Variants in ADGRA3 observed in about 807,000 individuals in gnomAD.
ADGRA3 encodes the protein G-protein coupled receptor 125.
A neutral mutation model predicts 119.8 loss-of-function variants in ADGRA3; 56 were observed. That is an observed-to-expected ratio of 0.47 (90% CI 0.38 to 0.58). ADGRA3 has a LOEUF of 0.58. Among genes scored for constraint, ADGRA3 ranks in the 20% least tolerant of loss-of-function variants. The pLI, the probability that ADGRA3 is intolerant of heterozygous loss-of-function variation, is 0.00. For synonymous variants in ADGRA3, 607 were observed against 623.8 expected (o/e 0.97, Z 0.40); for missense variants, 1,516 against 1,649.0 (o/e 0.92, Z 1.40).
At chr4:22,420,615 T>C in intron 12 of ADGRA3, 2 of 527,428 alleles carry the variant, frequency 3.8e-6, no homozygotes, top group Non-Finnish European at 3.3e-6. Flanking sequence ...GTAACAATAG[T>C]ATATTTGCAT....
intron 12 of ADGRA3, among the ~76,000 whole-genome samples, chr4:22,417,300 A>C (rs77570708): frequency 0.061 from 9,337 of 152,258 alleles, 306 homozygotes; most frequent in Middle Eastern, 0.078. Context: ...GGAACTATGC[A>C]GAGCCTGGAG....
At chr4:22,435,590 A>C in intron 9 of ADGRA3, 124 bp from the exon 10 acceptor site, 1 of 833,422 alleles carries the variant, frequency 1.2e-6, no homozygotes, top group Non-Finnish European at 1.8e-6. Flanking sequence ...TTTACTCATC[A>C]TGGCCTTCTT....
At chr4:22,413,860 T>C (rs747965418) in intron 12 of ADGRA3, 46 bp from the exon 13 acceptor site, 16 of 1,285,698 alleles carry the variant, frequency 1.2e-5, no homozygotes, top group Middle Eastern at 2.5e-4. Context: ...CATTAGTACA[T>C]AGAAACCAGA....
intron 1 of ADGRA3, among the ~76,000 whole-genome samples, chr4:22,505,693 G>A (rs1719213166): frequency 6.6e-6 from 1 of 151,340 alleles, no homozygotes; most frequent in African/African-American, 2.4e-5. Context: ...TTATCCCCCT[G>A]CTGTTTTAGC....
intron 10 of ADGRA3, among the ~76,000 whole-genome samples, chr4:22,433,012 C>T (rs1716248856): frequency 6.6e-6 from 1 of 152,100 alleles, no homozygotes; most frequent in South Asian, 2.1e-4. Flanking sequence ...GCCCTCAAGC[C>T]TCCTAGTTTT....
At chr4:22,445,486 C>T (rs570940448) in intron 5 of ADGRA3, among the ~76,000 whole-genome samples, 4 of 152,308 alleles carry the variant, frequency 2.6e-5, no homozygotes, top group African/African-American at 9.6e-5. Flanking sequence ...ATTTATCATG[C>T]AGTGTGTGGC....
intron 1 of ADGRA3, among the ~76,000 whole-genome samples, chr4:22,506,575 C>A (rs1002132781): frequency 2.6e-5 from 4 of 151,808 alleles, no homozygotes; most frequent in Non-Finnish European, 5.9e-5. Context: ...ACAAACAAAC[C>A]AAGGCAAAAG....
chr4:22,387,750 A>T lies in ADGRA3; in HGVS notation c.3921T>A (p.Thr1307=). The part of the protein sequence containing the change: ...QEGPLLGTDS[T]GNVRTGLWKH... ...TCCATAATCCAGTCCTAACATTGCC[A>T]GTGCTATCGGTACCGAGCAAGGGTC... The change falls in exon 19 of 19, where the codon ACT becomes ACA. Residue 1307 remains threonine, a synonymous_variant. Coordinates refer to ENST00000334304, the MANE Select transcript of ADGRA3 (RefSeq NM_145290.4). The T allele has an allele frequency of 6.2e-7, 1 of 1,613,442 alleles. No individual in the cohort carries two copies. Among genetic ancestry groups the T allele is most frequent in the East Asian group, 2.2e-5 (1 of 44,870 alleles).
rs761749221 is a variant in ADGRA3, at chr4:22,388,486, C to G, written c.3185G>C (p.Cys1062Ser). The G allele has an allele frequency of 2.4e-5, 39 of 1,613,954 alleles. No individual in the cohort carries two copies. The highest frequency in any genetic ancestry group is 3.3e-5 in the Non-Finnish European group (39 of 1,180,004). The change falls in exon 19 of 19, where the codon TGC (cysteine) becomes TCC (serine). Residue 1062 changes from cysteine (C) to serine (S), a missense_variant. Transcript: ENST00000334304. ...CACTGAATACGAGCTCCGTCCTGGG[C>G]AGCAAGTCATGATCCACGCAAGTCT... Reference protein sequence around the residue: ...DVRLAWIMTCCPGRSSYSVQV... With the variant: ...DVRLAWIMTCSPGRSSYSVQV...
At chr4:22,488,843 G>C (rs1409220659) in intron 1 of ADGRA3, among the ~76,000 whole-genome samples, 1 of 152,094 alleles carries the variant, frequency 6.6e-6, no homozygotes, top group Non-Finnish European at 1.5e-5. Context: ...TACAGTATAT[G>C]CAAGTAATAC....
intron 10 of ADGRA3, among the ~76,000 whole-genome samples, chr4:22,432,545 T>C (rs1716228300): frequency 6.6e-6 from 1 of 152,196 alleles, no homozygotes; most frequent in Non-Finnish European, 1.5e-5. Flanking sequence ...AAGGCGCATA[T>C]CGCACTCACA....
intron 17 of ADGRA3, 24 bp downstream of exon 17, chr4:22,392,517 CAATT>C (rs770210969): frequency 7.5e-6 from 12 of 1,606,998 alleles, no homozygotes; most frequent in East Asian, 2.2e-5. Context: ...GCAAACAAAA[CAATT>C]AATACAACAA....
chr4:22,472,892 A>G (rs1175798005), intron 2 of ADGRA3: 1 of 152,198 alleles, frequency 6.6e-6, no homozygotes, highest in Admixed American at 6.5e-5. Context: ...ATGAGTTAAC[A>G]GGGTATTTGA....
chr4:22,507,712 G>C (rs1719292741), intron 1 of ADGRA3, among the ~76,000 whole-genome samples: 1 of 152,152 alleles, frequency 6.6e-6, no homozygotes, highest in South Asian at 2.1e-4. Context: ...TATCAGAAAA[G>C]CTTACAACTT....
intron 2 of ADGRA3, 57 bp from the exon 3 acceptor site, chr4:22,461,865 C>A: frequency 9.4e-7 from 1 of 1,063,078 alleles, no homozygotes. Context: ...AGTATTCAGG[C>A]ACAATACACT....
intron 3 of ADGRA3, among the ~76,000 whole-genome samples, chr4:22,456,035 C>T (rs372980852): frequency 1.3e-5 from 2 of 152,142 alleles, no homozygotes; most frequent in African/African-American, 2.4e-5. Context: ...TAGAGAGGTA[C>T]GCATTCTTCG....
chr4:22,507,079 T>TC (rs1719264672), intron 1 of ADGRA3, among the ~76,000 whole-genome samples: 1 of 40,900 alleles, frequency 2.4e-5, no homozygotes, highest in African/African-American at 7.4e-5. Context: ...CTACTAAAAA[T>TC]TAAAAAAAAA....
At chr4:22,508,216 G>A (rs1319987450) in intron 1 of ADGRA3, among the ~76,000 whole-genome samples, 1 of 152,164 alleles carries the variant, frequency 6.6e-6, no homozygotes, top group Non-Finnish European at 1.5e-5. Flanking sequence ...AGGGATGGAA[G>A]GATCAAAATG....
intron 3 of ADGRA3, among the ~76,000 whole-genome samples, chr4:22,457,093 A>G (rs1338225725): frequency 6.6e-6 from 1 of 152,182 alleles, no homozygotes; most frequent in Non-Finnish European, 1.5e-5. Context: ...TCTCTGGGAA[A>G]CAATTTCATT....
Sources: gnomAD v4.1 joint callset for allele counts (sites outside exome capture counted in the v4.1 genomes callset) on GRCh38, gnomAD v4.1.1 for gene constraint, MANE v1.5 for transcripts, NCBI Gene and HGNC (gene_info 2026-07-23, HGNC 2026-07-21) for gene names.